The following TTC17 variants were observed in gnomAD, a reference collection of about 807,000 sequenced individuals.
The protein encoded by TTC17 is tetratricopeptide repeat protein 17.
In TTC17, 58 loss-of-function variants were observed where a neutral mutation model predicts 143.8. The observed-to-expected ratio is 0.40, with a 90% CI of 0.33 to 0.50. The LOEUF (loss-of-function observed/expected upper bound fraction) is 0.50, where lower values mean the gene tolerates loss of function less well. Ranked by LOEUF, TTC17 falls within the 20% of genes least tolerant of loss-of-function variation. The pLI, the probability that TTC17 is intolerant of heterozygous loss-of-function variation, is 0.49. For missense variants in TTC17, 1,273 were observed against 1,392.5 expected (o/e 0.91, Z 1.37); for synonymous variants, 501 against 497.8 (o/e 1.01, Z -0.09).
At position 43,493,979 on chromosome 11, in the gene TTC17, C is replaced by A; in HGVS notation, c.*75C>A. On this transcript the variant is annotated 3_prime_UTR_variant, in exon 24 of 24. Coordinates refer to ENST00000039989, the MANE Select transcript of TTC17 (RefSeq NM_018259.6). ...AATAAGAAAAGAAACCAATCATTGT[C>A]AGTATCTACTATTAATGATGTGTGT... 1 of 1,484,718 alleles carries A rather than the reference C, an allele frequency of 6.7e-7. No homozygotes were observed. Among genetic ancestry groups the A allele is most frequent in the Non-Finnish European group, 9.0e-7 (1 of 1,109,154 alleles). The allele number at this position is 1,484,718 out of a possible 1,614,324, so 92.0% of individuals were successfully genotyped here.
intron 16 of TTC17, among the ~76,000 whole-genome samples, chr11:43,418,158 A>G (rs969499559): frequency 2.6e-5 from 4 of 152,234 alleles, no homozygotes; most frequent in African/African-American, 9.6e-5. Flanking sequence ...TGATTAATGA[A>G]GTATTATTTA....
chr11:43,372,438 G>A (rs534768564), intron 1 of TTC17, among the ~76,000 whole-genome samples: 78 of 151,548 alleles, frequency 5.1e-4, no homozygotes, highest in African/African-American at 1.7e-3. Context: ...GAGTAGCTGG[G>A]ATTACAGGTA....
intron 16 of TTC17, 71 bp downstream of exon 16, chr11:43,414,847 G>C: frequency 6.7e-7 from 1 of 1,494,720 alleles, no homozygotes; most frequent in South Asian, 1.3e-5. Context: ...AAAGAACACA[G>C]AAAATGATTT....
intron 21 of TTC17, among the ~76,000 whole-genome samples, chr11:43,475,786 G>A (rs1429362469): frequency 6.6e-6 from 1 of 152,172 alleles, no homozygotes; most frequent in Non-Finnish European, 1.5e-5. Flanking sequence ...TTCAGATTAG[G>A]TATACTCAAC....
At chr11:43,409,558 T>C (rs1214026003) in intron 15 of TTC17, among the ~76,000 whole-genome samples, 1 of 152,214 alleles carries the variant, frequency 6.6e-6, no homozygotes, top group Non-Finnish European at 1.5e-5. Flanking sequence ...TAGTAACTAA[T>C]TTAATCCTCA....
chr11:43,481,536 T>C (rs1948286856), intron 21 of TTC17, among the ~76,000 whole-genome samples: 1 of 152,226 alleles, frequency 6.6e-6, no homozygotes, highest in Non-Finnish European at 1.5e-5. Flanking sequence ...GGTTTTTAAT[T>C]ATAGCTCTAA....
At chr11:43,410,972 C>T (rs1047517817) in intron 15 of TTC17, among the ~76,000 whole-genome samples, 5 of 152,122 alleles carry the variant, frequency 3.3e-5, no homozygotes, top group Admixed American at 6.6e-5. Flanking sequence ...TTATTTTTGT[C>T]TGGATTATTT....
At chr11:43,442,893 C>A (rs767540301) in intron 16 of TTC17, among the ~76,000 whole-genome samples, 10 of 152,132 alleles carry the variant, frequency 6.6e-5, no homozygotes, top group Non-Finnish European at 1.5e-4. Context: ...TCAATTAAGG[C>A]AATTAAGCCA....
At chr11:43,477,109 C>G (rs1468814241) in intron 21 of TTC17, among the ~76,000 whole-genome samples, 1 of 152,210 alleles carries the variant, frequency 6.6e-6, no homozygotes, top group African/African-American at 2.4e-5. Flanking sequence ...TGCCACCAGT[C>G]TCTTTGCTAA....
chr11:43,399,292 G>A (rs534335382), intron 8 of TTC17, among the ~76,000 whole-genome samples: 2 of 152,310 alleles, frequency 1.3e-5, no homozygotes, highest in South Asian at 4.2e-4. Context: ...GAGAAATAGA[G>A]TTGTTAAATA....
chr11:43,477,010 C>T (rs901150217), intron 21 of TTC17, among the ~76,000 whole-genome samples: 1 of 152,172 alleles, frequency 6.6e-6, no homozygotes, highest in Non-Finnish European at 1.5e-5. Context: ...CTCTTAAATG[C>T]TTTGCTGCTT....
At chr11:43,400,658 A>C (rs1468449613) in intron 9 of TTC17, among the ~76,000 whole-genome samples, 1 of 152,160 alleles carries the variant, frequency 6.6e-6, no homozygotes, top group Admixed American at 6.5e-5. Flanking sequence ...TCCTCTCCAA[A>C]ATTATATGTA....
At chr11:43,465,262 G>A (rs10501301) in intron 21 of TTC17, among the ~76,000 whole-genome samples, 5,119 of 152,278 alleles carry the variant, frequency 0.034, 104 homozygotes, top group Middle Eastern at 0.078. Context: ...GCTGTCTTTA[G>A]AAGATAACAT....
At chr11:43,390,324 T>TA (rs527854335) in intron 3 of TTC17, 63 of 151,550 alleles carry the variant, frequency 4.2e-4, no homozygotes, top group African/African-American at 1.5e-3. Flanking sequence ...CCCTGTCTCT[T>TA]AAAAAAAAGG....
At chr11:43,465,159 C>G (rs1200507759) in intron 21 of TTC17, among the ~76,000 whole-genome samples, 1 of 152,176 alleles carries the variant, frequency 6.6e-6, no homozygotes, top group Non-Finnish European at 1.5e-5. Flanking sequence ...CCATTGCCAA[C>G]TGTAGCCTTT....
chr11:43,445,476 T>C (rs1947521022), intron 18 of TTC17, among the ~76,000 whole-genome samples: 1 of 152,214 alleles, frequency 6.6e-6, no homozygotes, highest in Non-Finnish European at 1.5e-5. Context: ...GTATGACTTT[T>C]CCATTTTCTA....
chr11:43,485,309 T>G (rs1948361168), intron 21 of TTC17, among the ~76,000 whole-genome samples: 1 of 152,180 alleles, frequency 6.6e-6, no homozygotes, highest in African/African-American at 2.4e-5. Flanking sequence ...CTGGGGCAAT[T>G]GCTTACTTAA....
chr11:43,364,997 G>A (rs563622182), intron 1 of TTC17, among the ~76,000 whole-genome samples: 1 of 152,018 alleles, frequency 6.6e-6, no homozygotes, highest in African/African-American at 2.4e-5. Flanking sequence ...TAGAGACAGG[G>A]TTTCTCCTGG....
At position 43,464,140 on chromosome 11, in the gene TTC17, C is replaced by T. The variant is rs545319593; in HGVS notation, c.3030+12875C>T. 5.9e-5 allele frequency among the ~76,000 whole-genome samples: 9 copies of T among 151,994 alleles called. No homozygotes were observed. The South Asian group carries it at 1.0e-3, about 18-fold the overall frequency. On this transcript the variant is annotated intron_variant, in intron 21 of 23. Transcript: ENST00000039989. ...AAAATACAAAAAAAAATTAGCTGGG[C>T]GTGGTGGTGCACGCCTGTAATGCCG...
Sources: gnomAD v4.1 joint callset for allele counts (sites outside exome capture counted in the v4.1 genomes callset) on GRCh38, gnomAD v4.1.1 for gene constraint, MANE v1.5 for transcripts, NCBI Gene and HGNC (gene_info 2026-07-23, HGNC 2026-07-21) for gene names.